Variants in ANK3 observed in about 807,000 individuals in gnomAD.
ANK3 encodes ankyrin 3, also known as ankyrin-3.
A neutral mutation model predicts 370.9 loss-of-function variants in ANK3; 57 were observed. That is an observed-to-expected ratio of 0.15 (90% CI 0.12 to 0.19). The LOEUF (loss-of-function observed/expected upper bound fraction) is 0.19, where lower values mean the gene tolerates loss of function less well. Ranked by LOEUF, ANK3 falls within the 10% of genes least tolerant of loss-of-function variation. The pLI is 1.00. For synonymous variants in ANK3, 1,929 were observed against 1,946.3 expected (o/e 0.99, Z 0.23); for missense variants, 4,439 against 5,302.1 (o/e 0.84, Z 5.06).
chr10:60,337,616 C>T (rs556614289), intron 1 of ANK3, among the ~76,000 whole-genome samples: 12 of 152,216 alleles, frequency 7.9e-5, no homozygotes, highest in Non-Finnish European at 1.3e-4. Context: ...CTCTCAGTGA[C>T]GTCTCTTTTA....
At chr10:60,643,500 A>G (rs796197554) in intron 1 of ANK3, among the ~76,000 whole-genome samples, 3 of 146,816 alleles carry the variant, frequency 2.0e-5, no homozygotes, top group African/African-American at 7.5e-5. Flanking sequence ...ACTCCCCTTT[A>G]TATCTATCTA....
At chr10:60,492,706 CAAAAAAAA>C (rs764367710) in intron 2 of ANK3, among the ~76,000 whole-genome samples, 2 of 57,528 alleles carry the variant, frequency 3.5e-5, no homozygotes, top group Non-Finnish European at 6.4e-5. Flanking sequence ...GACTCTGTCT[CAAAAAAAA>C]AAAAAAAAAA....
At chr10:60,452,066 G>A (rs2064620309) in intron 2 of ANK3, among the ~76,000 whole-genome samples, 1 of 152,196 alleles carries the variant, frequency 6.6e-6, no homozygotes, top group South Asian at 2.1e-4. Flanking sequence ...GGAATAATAT[G>A]TTTCTGTAAA....
intron 38 of ANK3, among the ~76,000 whole-genome samples, chr10:60,066,633 A>G (rs1391835079): frequency 6.7e-6 from 1 of 150,222 alleles, no homozygotes; most frequent in Non-Finnish European, 1.5e-5. Flanking sequence ...CATTCAAAGG[A>G]AAAAAAAAAT....
chr10:60,310,072 T>C (rs1264063284), intron 1 of ANK3, among the ~76,000 whole-genome samples: 1 of 151,970 alleles, frequency 6.6e-6, no homozygotes, highest in Admixed American at 6.6e-5. Context: ...AGTACAGTTA[T>C]GTGCCACTAT....
At chr10:60,304,344 T>C (rs2044495997) in intron 1 of ANK3, among the ~76,000 whole-genome samples, 1 of 152,186 alleles carries the variant, frequency 6.6e-6, no homozygotes, top group Admixed American at 6.5e-5. Flanking sequence ...TTACAATGTA[T>C]ATGTTATCAA....
At chr10:60,090,300 G>A (rs1252838279) in intron 28 of ANK3, among the ~76,000 whole-genome samples, 4 of 151,982 alleles carry the variant, frequency 2.6e-5, no homozygotes, top group African/African-American at 9.7e-5. Flanking sequence ...CTGGGCAACA[G>A]AGTGAGACTC....
chr10:60,331,068 G>T (rs2051135393), intron 1 of ANK3, among the ~76,000 whole-genome samples: 1 of 151,532 alleles, frequency 6.6e-6, no homozygotes, highest in Non-Finnish European at 1.5e-5. Context: ...ATTGAACTAT[G>T]AGAAAACACG....
At chr10:60,109,282 A>G (rs749039583) in intron 26 of ANK3, among the ~76,000 whole-genome samples, 1 of 152,214 alleles carries the variant, frequency 6.6e-6, no homozygotes, top group Non-Finnish European at 1.5e-5. Context: ...CATGGCCCCC[A>G]TAGAAAAGCC....
At chr10:60,350,963 GAA>G (rs960570460) in intron 1 of ANK3, among the ~76,000 whole-genome samples, 4 of 144,632 alleles carry the variant, frequency 2.8e-5, no homozygotes, top group African/African-American at 1.0e-4. Flanking sequence ...GTTTCATAGA[GAA>G]AAAAAAAAAT....
chr10:60,330,062 T>C (rs180695249), intron 1 of ANK3, among the ~76,000 whole-genome samples: 207 of 152,050 alleles, frequency 1.4e-3, no homozygotes, highest in Admixed American at 4.3e-3. Context: ...ATAAATGACG[T>C]TGGGAAAACT....
At chr10:60,232,975 G>C (rs1235136779) in intron 8 of ANK3, among the ~76,000 whole-genome samples, 1 of 152,206 alleles carries the variant, frequency 6.6e-6, no homozygotes, top group African/African-American at 2.4e-5. Flanking sequence ...AGGAAGCACA[G>C]GATTGCAGGA....
intron 2 of ANK3, among the ~76,000 whole-genome samples, chr10:60,564,191 C>A (rs79217655): frequency 6.6e-6 from 1 of 152,040 alleles, no homozygotes; most frequent in African/African-American, 2.4e-5. Context: ...AATTAACAGC[C>A]CAGCAGAAAA....
At chr10:60,225,779 T>C (rs1193662701) in intron 8 of ANK3, among the ~76,000 whole-genome samples, 5 of 152,040 alleles carry the variant, frequency 3.3e-5, no homozygotes, top group East Asian at 1.9e-4. Flanking sequence ...ATTTGTATTG[T>C]AGTTTTCCAC....
chr10:60,684,016 A>C (rs1475058298), intron 1 of ANK3, among the ~76,000 whole-genome samples: 1 of 152,230 alleles, frequency 6.6e-6, no homozygotes, highest in African/African-American at 2.4e-5. Flanking sequence ...ATGTGCCCTT[A>C]ATTTTTGTTT....
At chr10:60,146,472 G>A (rs1033229972) in intron 23 of ANK3, among the ~76,000 whole-genome samples, 1 of 152,032 alleles carries the variant, frequency 6.6e-6, no homozygotes, top group East Asian at 1.9e-4. Context: ...CCCCAAGTAG[G>A]CCTTGGTGTC....
At chr10:60,456,380 A>G (rs1392000150) in intron 2 of ANK3, among the ~76,000 whole-genome samples, 1 of 152,170 alleles carries the variant, frequency 6.6e-6, no homozygotes, top group Non-Finnish European at 1.5e-5. Flanking sequence ...TATAATTTAC[A>G]CTGTAAAAAC....
intron 1 of ANK3, among the ~76,000 whole-genome samples, chr10:60,303,669 A>G (rs2044315394): frequency 6.6e-6 from 1 of 152,192 alleles, no homozygotes; most frequent in Non-Finnish European, 1.5e-5. Context: ...CCATTAAGGA[A>G]AACAGTATGG....
chr10:60,300,571 T>C (rs2043479515), intron 1 of ANK3: 1 of 1,175,518 alleles, frequency 8.5e-7, no homozygotes, highest in Non-Finnish European at 1.1e-6. Context: ...ATAAACAGCA[T>C]AGTACCTCCC....
Sources: allele counts gnomAD v4.1 joint callset (sites outside exome capture counted in the v4.1 genomes callset), GRCh38; gene constraint gnomAD v4.1.1; transcripts MANE v1.5; gene names NCBI Gene and HGNC (gene_info 2026-07-23, HGNC 2026-07-21).